The following UST variants were observed in gnomAD, a reference collection of about 807,000 sequenced individuals.
The protein encoded by UST is chondroitin sulfate 2-O-sulfotransferase.
Under a neutral mutation model 45.6 loss-of-function variants are expected in UST, and 21 were observed. The ratio of observed to expected loss-of-function variants is 0.46; its 90% CI spans 0.33 to 0.66. UST has a LOEUF of 0.66. UST is among the 30% of genes least tolerant of loss of function. The pLI is 0.02. For synonymous variants in UST, 215 were observed against 200.6 expected, an observed-to-expected ratio of 1.07 and a Z score of -0.61; for missense variants, 463 against 512.4, an observed-to-expected ratio of 0.90 and a Z score of 0.93.
At chr6:148,780,740 C>T (rs1776627670) in intron 1 of UST, among the ~76,000 whole-genome samples, 1 of 152,094 alleles carries the variant, frequency 6.6e-6, no homozygotes, top group African/African-American at 2.4e-5. Flanking sequence ...TAGTCAGCAC[C>T]ATTTTTTCTG....
At chr6:149,056,006 AT>A (rs67882003) in intron 7 of UST, among the ~76,000 whole-genome samples, 2,379 of 149,864 alleles carry the variant, frequency 0.016, 71 homozygotes, top group African/African-American at 0.056. Context: ...AAATGTTTTA[AT>A]TTTTTTCCCA....
intron 1 of UST, among the ~76,000 whole-genome samples, chr6:148,822,804 A>G (rs1449534605): frequency 1.3e-5 from 2 of 152,254 alleles, no homozygotes; most frequent in African/African-American, 2.4e-5. Context: ...TTAGTGGAAG[A>G]ACTTGAAAAG....
chr6:148,809,199 G>C (rs1777206118), intron 1 of UST, among the ~76,000 whole-genome samples: 1 of 152,338 alleles, frequency 6.6e-6, no homozygotes, highest in African/African-American at 2.4e-5. Context: ...GTTTCTCAGG[G>C]GAGTTCAGAG....
chr6:148,925,555 G>A (rs1247525005), intron 2 of UST, among the ~76,000 whole-genome samples: 1 of 152,154 alleles, frequency 6.6e-6, no homozygotes, highest in Non-Finnish European at 1.5e-5. Context: ...AAGAAAGGGG[G>A]GAATATTTCC....
chr6:149,021,880 C>T (rs1223755842), intron 7 of UST, among the ~76,000 whole-genome samples: 1 of 152,192 alleles, frequency 6.6e-6, no homozygotes, highest in Non-Finnish European at 1.5e-5. Flanking sequence ...TTGATGGAAA[C>T]ATGCGTGAGT....
intron 1 of UST, among the ~76,000 whole-genome samples, chr6:148,807,496 A>G (rs1777173106): frequency 6.6e-6 from 1 of 152,164 alleles, no homozygotes; most frequent in Non-Finnish European, 1.5e-5. Flanking sequence ...AATGGAGTGT[A>G]TATTTGCCTA....
Position 148,814,682 on chromosome 6 carries a change from G to C in UST, c.247+67005G>C, listed in dbSNP as rs575158503. Among the ~76,000 whole-genome samples the C allele has an allele frequency of 3.9e-5, 6 of 152,270 alleles. No individual in the cohort carries two copies. The South Asian group carries it at 1.2e-3, about 32-fold the overall frequency. On this transcript the variant is annotated intron_variant, in intron 1 of 7. Coordinates refer to ENST00000367463, the MANE Select transcript of UST (RefSeq NM_005715.3). ...TTTGTAGACCTCAGAAAAGCACGAT[G>C]ATTATTTACAGATTTCCAGAATCTC...
At chr6:148,981,280 C>G (rs1446250718) in intron 5 of UST, among the ~76,000 whole-genome samples, 1 of 152,224 alleles carries the variant, frequency 6.6e-6, no homozygotes, top group Non-Finnish European at 1.5e-5. Context: ...AGTTGAGAAT[C>G]CTGATGCTCA....
intron 1 of UST, among the ~76,000 whole-genome samples, chr6:148,811,930 G>C (rs577205283): frequency 6.6e-6 from 1 of 152,184 alleles, no homozygotes; most frequent in Admixed American, 6.5e-5. Flanking sequence ...TAAAATCTCC[G>C]TTAATCTACC....
rs551097693 is a variant in UST at position 148,975,540 on chromosome 6, TA to T, written c.681+10981del. ...TATCTGACTTTGTCATTGTCTTGCTTAAAACACTCCTATGTCTTTCTGATCT... is the reference window on the plus strand; with the variant it reads ...TATCTGACTTTGTCATTGTCTTGCTTAAACACTCCTATGTCTTTCTGATCT... On this transcript the variant is annotated intron_variant, in intron 5 of 7. Coordinates refer to ENST00000367463, the MANE Select transcript of UST (RefSeq NM_005715.3). 2.3e-3 allele frequency among the ~76,000 whole-genome samples: 343 copies of T among 152,328 alleles called. 1 individual carries two copies. The highest frequency in any genetic ancestry group is 8.1e-3 in the African/African-American group (335 of 41,582).
intron 2 of UST, among the ~76,000 whole-genome samples, chr6:148,891,123 A>G (rs1239237304): frequency 6.6e-6 from 1 of 152,200 alleles, no homozygotes; most frequent in East Asian, 1.9e-4. Flanking sequence ...TAAAAATCAG[A>G]AAAAGAAATT....
At chr6:148,827,718 T>A (rs1454914354) in intron 1 of UST, among the ~76,000 whole-genome samples, 1 of 146,360 alleles carries the variant, frequency 6.8e-6, no homozygotes, top group Non-Finnish European at 1.5e-5. Flanking sequence ...GAAATTATTC[T>A]AGTTTGTAAA....
intron 7 of UST, among the ~76,000 whole-genome samples, chr6:149,072,791 G>T (rs992563650): frequency 8.5e-5 from 13 of 152,182 alleles, no homozygotes; most frequent in African/African-American, 2.7e-4. Flanking sequence ...CTGAGAATAG[G>T]CAAATTCATA....
Position 148,932,800 on chromosome 6 carries a change from G to A in UST, c.292-8479G>A, listed in dbSNP as rs374168386. On this transcript the variant is annotated intron_variant, in intron 2 of 7. Coordinates refer to ENST00000367463, the MANE Select transcript of UST (RefSeq NM_005715.3). ...TGGGAATAGCATAGTGATGATGTGC[G>A]TTATGGAGATAACAGGACATTAGGT... Among the ~76,000 whole-genome samples the A allele has an allele frequency of 2.4e-4, 36 of 152,314 alleles. No homozygotes were observed. In the East Asian group the frequency reaches 4.6e-3, roughly 20 times the overall value.
At chr6:148,933,900 T>C (rs1053752832) in intron 2 of UST, among the ~76,000 whole-genome samples, 2 of 152,216 alleles carry the variant, frequency 1.3e-5, no homozygotes, top group African/African-American at 4.8e-5. Context: ...AAAATAAAAC[T>C]GGGAACGCCT....
At chr6:148,903,223 A>G (rs1186531493) in intron 2 of UST, among the ~76,000 whole-genome samples, 1 of 152,164 alleles carries the variant, frequency 6.6e-6, no homozygotes, top group East Asian at 1.9e-4. Flanking sequence ...AACATTATCC[A>G]GAATAATATT....
chr6:148,851,622 C>A (rs1247103465), intron 1 of UST, among the ~76,000 whole-genome samples: 1 of 152,220 alleles, frequency 6.6e-6, no homozygotes, highest in African/African-American at 2.4e-5. Context: ...GCCAGGCGAC[C>A]TTTATGGTCA....
At chr6:148,763,129 A>G (rs777889445) in intron 1 of UST, among the ~76,000 whole-genome samples, 2 of 152,208 alleles carry the variant, frequency 1.3e-5, no homozygotes, top group Non-Finnish European at 2.9e-5. Context: ...AACAGTGTGT[A>G]CATGTTCCCA....
intron 5 of UST, among the ~76,000 whole-genome samples, chr6:148,986,631 G>A (rs9377186): frequency 0.32 from 49,151 of 152,134 alleles, 8,471 homozygotes; most frequent in Non-Finnish European, 0.39. Context: ...CTGATTTGAA[G>A]CCAGGTCATC....
Sources: allele counts gnomAD v4.1 joint callset (sites outside exome capture counted in the v4.1 genomes callset), GRCh38; gene constraint gnomAD v4.1.1; transcripts MANE v1.5; gene names NCBI Gene and HGNC (gene_info 2026-07-23, HGNC 2026-07-21).